CRTAM: variants seen among roughly 807,000 people sequenced by gnomAD.
CRTAM encodes the protein cytotoxic and regulatory T-cell molecule.
Under a neutral mutation model 50.0 loss-of-function variants are expected in CRTAM, and 44 were observed. The observed-to-expected ratio is 0.88, with a 90% CI of 0.69 to 1.13. The LOEUF (loss-of-function observed/expected upper bound fraction) is 1.13. Among genes scored for constraint, CRTAM ranks in the 50% most tolerant of loss-of-function variants. The pLI, the probability that CRTAM is intolerant of heterozygous loss-of-function variation, is 0.00. For synonymous variants in CRTAM, 159 were observed against 169.3 expected (o/e 0.94, Z 0.47); for missense variants, 448 against 457.5 (o/e 0.98, Z 0.19).
At position 122,838,544 on chromosome 11, in the gene CRTAM, A is replaced by C; in HGVS notation, c.-3A>C. ...CAAAGGTGCCACAGCAGCACAGCACAGTATGTGGTGGAGAGTTCTCAGCTT... is the reference window on the plus strand; with the variant it reads ...CAAAGGTGCCACAGCAGCACAGCACCGTATGTGGTGGAGAGTTCTCAGCTT... On this transcript the variant is annotated 5_prime_UTR_variant, in exon 1 of 10. Transcript: ENST00000227348. 1 of 1,614,152 alleles carries C rather than the reference A, an allele frequency of 6.2e-7. No homozygotes were observed. Among genetic ancestry groups the C allele is most frequent in the Non-Finnish European group, 8.5e-7 (1 of 1,179,988 alleles).
Position 122,864,664 on chromosome 11 carries a change from G to A in CRTAM, c.762G>A (p.Ser254=), listed in dbSNP as rs146865363. 60 of 1,613,284 alleles carry A rather than the reference G, an allele frequency of 3.7e-5. No individual in the cohort carries two copies. Among genetic ancestry groups the A allele is most frequent in the African/African-American group, 1.9e-4 (14 of 74,868 alleles). The change falls in exon 7 of 10, where the codon TCG becomes TCA. Residue 254 remains serine, a synonymous_variant. Transcript: ENST00000227348. ...CAGTAACGGAAGATTCTAGTACATC[G>A]GAGATTGACAAGGAAGAGAAAGAAC... ...TVSVTEDSST[S]EIDKEEKEQT...
In CRTAM at chr11:122,867,354, CAAAA is replaced by C. The variant is rs57365669; in HGVS notation, c.818-42_818-39del. The C allele has an allele frequency of 5.2e-3, 6,304 of 1,214,622 alleles. 1 individual carries two copies. The highest frequency in any genetic ancestry group is 8.9e-3 in the South Asian group (585 of 65,452). 75.2% of individuals were successfully genotyped at this position (1,214,622 alleles called of 1,614,324 possible). ...AGTATTGTTACATATTCTCCAGTGG[CAAAA>C]AAAAAAAAAAAACCCAAAGTATCTA... On this transcript the variant is annotated intron_variant, in intron 7 of 9. Coordinates refer to ENST00000227348, the MANE Select transcript of CRTAM (RefSeq NM_019604.4).
chr11:122,865,514 A>T (rs3134407), intron 7 of CRTAM, among the ~76,000 whole-genome samples: 145,288 of 152,064 alleles, frequency 0.96, 69,456 homozygotes, highest in Middle Eastern at 1. Context: ...CTTGAACTCC[A>T]GGGCTCAAGA....
intron 1 of CRTAM, among the ~76,000 whole-genome samples, chr11:122,849,211 A>C (rs1410747401): frequency 6.6e-6 from 1 of 152,206 alleles, no homozygotes; most frequent in Admixed American, 6.5e-5. Flanking sequence ...TAGACACACA[A>C]CTTGAAGGTA....
rs947039441 is a variant in CRTAM, at chr11:122,839,637, G to A, written c.46+1045G>A. Among the ~76,000 whole-genome samples the A allele has an allele frequency of 2.6e-5, 4 of 152,152 alleles. No homozygotes were observed. In the South Asian group the frequency reaches 8.3e-4, roughly 32 times the overall value. On this transcript the variant is annotated intron_variant, in intron 1 of 9. Coordinates refer to ENST00000227348, the MANE Select transcript of CRTAM (RefSeq NM_019604.4). The stretch of plus-strand genomic sequence containing the variant: ...AAGTGGGGGCAGGGGTGTAGGAAGT[G>A]GCTCCTGTTGTCCCTCAGTCTCTGC...
intron 1 of CRTAM, among the ~76,000 whole-genome samples, chr11:122,842,848 G>A (rs1453885326): frequency 6.6e-6 from 1 of 152,118 alleles, no homozygotes; most frequent in Non-Finnish European, 1.5e-5. Flanking sequence ...TGGGGCAGGT[G>A]GCATATCTGT....
chr11:122,864,881 C>T (rs531030017), intron 7 of CRTAM, among the ~76,000 whole-genome samples, 162 bp downstream of exon 7: 2 of 152,252 alleles, frequency 1.3e-5, no homozygotes, highest in African/African-American at 4.8e-5. Context: ...AGTTACCTCT[C>T]GGCTTCTTGA....
At chr11:122,856,898 C>A (rs1862014090) in intron 5 of CRTAM, among the ~76,000 whole-genome samples, 1 of 151,966 alleles carries the variant, frequency 6.6e-6, no homozygotes, top group African/African-American at 2.4e-5. Context: ...ACACAACCAC[C>A]CCCACCCCTC....
Position 122,868,835 on chromosome 11 carries a change from T to C in CRTAM, c.1051+736T>C, listed in dbSNP as rs540598512. On this transcript the variant is annotated intron_variant, in intron 9 of 9. Coordinates refer to ENST00000227348, the MANE Select transcript of CRTAM (RefSeq NM_019604.4). ...CATCCTGGCTAACACAGTGAAACCC[T>C]GTCTCTACTAAAAATACAAAACAAT... 8.0e-3 allele frequency among the ~76,000 whole-genome samples: 1,211 copies of C among 152,080 alleles called. 5 individuals are homozygous for C. Among genetic ancestry groups the C allele is most frequent in the Middle Eastern group, 0.02 (6 of 294 alleles).
chr11:122,843,996 C>T (rs1168226576), intron 1 of CRTAM, among the ~76,000 whole-genome samples: 3 of 152,104 alleles, frequency 2.0e-5, no homozygotes, highest in Non-Finnish European at 2.9e-5. Flanking sequence ...TAAGCAGACC[C>T]GTAAAGCCAA....
At chr11:122,858,295 G>T (rs1862030564) in intron 5 of CRTAM, among the ~76,000 whole-genome samples, 7 of 152,040 alleles carry the variant, frequency 4.6e-5, no homozygotes, top group Admixed American at 4.6e-4. Context: ...CACAGTCTTG[G>T]CTCGCTATAA....
intron 6 of CRTAM, among the ~76,000 whole-genome samples, chr11:122,863,351 AAAAG>A (rs781036189): frequency 0.25 from 15,000 of 60,590 alleles, 915 homozygotes; most frequent in Non-Finnish European, 0.37. Context: ...GAAAGAAAGA[AAAAG>A]AAAGAAAGAA....
chr11:122,861,137 G>T (rs1862067897), intron 5 of CRTAM, among the ~76,000 whole-genome samples: 2 of 151,754 alleles, frequency 1.3e-5, no homozygotes, highest in South Asian at 4.2e-4. Flanking sequence ...TAGCCTTATA[G>T]TCTATACTAT....
In CRTAM at chr11:122,867,406, T is replaced by C. The variant is rs1481304935; in HGVS notation, c.818-3T>C. ...CTAAACTCCTTTTTCATTTTCCTTA[T>C]AGAAGCAAATCCTCAGTATTTAGGA... On this transcript the variant is annotated splice_region_variant and splice_polypyrimidine_tract_variant and intron_variant, in intron 7 of 9. Transcript: ENST00000227348. 1.6e-5 allele frequency: 25 copies of C among 1,603,810 alleles called. No individual in the cohort carries two copies. Among genetic ancestry groups the C allele is most frequent in the Non-Finnish European group, 1.9e-5 (22 of 1,177,206 alleles).
intron 7 of CRTAM, among the ~76,000 whole-genome samples, chr11:122,865,088 G>A (rs1862152104): frequency 6.6e-6 from 1 of 151,870 alleles, no homozygotes; most frequent in South Asian, 2.1e-4. Flanking sequence ...CCAGGCTGGA[G>A]TGCAGTGGTG....
rs138206970 is a variant in CRTAM at position 122,854,019 on chromosome 11, C to T, written c.423C>T (p.Cys141=). ...GAGAAGAACATGTTGTACTCATGTG[C>T]TCCACCATGAGAAGCAAGCCCCCTC... ...QNGEEHVVLM[C]STMRSKPPPQ... Residue 141 remains cysteine (C), a synonymous_variant, in exon 4 of 10, where the codon TGC becomes TGT. Transcript: ENST00000227348. 9 of 1,614,006 alleles carry T rather than the reference C, an allele frequency of 5.6e-6. No individual in the cohort carries two copies. The highest frequency in any genetic ancestry group is 3.3e-5 in the Admixed American group (2 of 60,016).
chr11:122,864,573 G>T (rs1862143064), intron 6 of CRTAM, 63 bp from the exon 7 acceptor site: 2 of 1,139,076 alleles, frequency 1.8e-6, no homozygotes, highest in African/African-American at 1.5e-5. Context: ...CGTAACTACA[G>T]TTGTATGTAG....
chr11:122,867,178 T>C (rs184276349), intron 7 of CRTAM, among the ~76,000 whole-genome samples: 138 of 152,298 alleles, frequency 9.1e-4, no homozygotes, highest in Non-Finnish European at 1.7e-3. Context: ...TTAAAAAATC[T>C]TTTCAAATCA....
In CRTAM at chr11:122,871,276, C is replaced by T. The variant is rs148121861; in HGVS notation, c.1059C>T (p.His353=). 20 of 1,612,154 alleles carry T rather than the reference C, an allele frequency of 1.2e-5. No individual in the cohort carries two copies. In the East Asian group the frequency reaches 4.0e-4, roughly 32 times the overall value. ...SSEEKNGQSS[H]PMRCMNYITK... ...AACATGTTTTTCTTTCAGCTTCCCA[C>T]CCTATGCGTTGCATGAACTACATCA... Residue 353 remains histidine, a synonymous_variant, in exon 10 of 10, where the codon CAC becomes CAT. Coordinates refer to ENST00000227348, the MANE Select transcript of CRTAM (RefSeq NM_019604.4).
Sources: gnomAD v4.1 joint callset for allele counts (sites outside exome capture counted in the v4.1 genomes callset) on GRCh38, gnomAD v4.1.1 for gene constraint, MANE v1.5 for transcripts, NCBI Gene and HGNC (gene_info 2026-07-23, HGNC 2026-07-21) for gene names.